STXBP5: variants seen among roughly 807,000 people sequenced by gnomAD.
The protein encoded by STXBP5 is syntaxin-binding protein 5.
STXBP5 carries 50 observed loss-of-function variants against 152.4 expected under a neutral mutation model. The observed-to-expected ratio is 0.33, with a 90% confidence interval of 0.26 to 0.42. The LOEUF is 0.42. Ranked by LOEUF, STXBP5 falls within the 10% of genes least tolerant of loss-of-function variation. The probability of loss-of-function intolerance (pLI) is 1.00; values close to 1 mark genes in which losing one functional copy is unlikely to be tolerated. For missense variants in STXBP5, 1,167 were observed against 1,388.6 expected, an observed-to-expected ratio of 0.84 and a Z score of 2.54; for synonymous variants, 492 against 494.7, an observed-to-expected ratio of 0.99 and a Z score of 0.07.
intron 2 of STXBP5, among the ~76,000 whole-genome samples, chr6:147,210,611 C>G (rs1450860450): frequency 2.6e-5 from 4 of 152,172 alleles, no homozygotes; most frequent in Non-Finnish European, 5.9e-5. Context: ...GTTGCCTCCC[C>G]TGTCAGTGTG....
At chr6:147,310,966 C>T (rs113305377) in intron 10 of STXBP5, among the ~76,000 whole-genome samples, 4 of 151,924 alleles carry the variant, frequency 2.6e-5, no homozygotes, top group African/African-American at 9.7e-5. Flanking sequence ...TACAATTAAC[C>T]ATCAGAGCTA....
chr6:147,283,236 G>A (rs1780783660), intron 8 of STXBP5, among the ~76,000 whole-genome samples: 1 of 152,196 alleles, frequency 6.6e-6, no homozygotes, highest in African/African-American at 2.4e-5. Flanking sequence ...AGGTCACTGA[G>A]GGAAAAATAA....
intron 25 of STXBP5, among the ~76,000 whole-genome samples, chr6:147,373,363 CAAAAA>C (rs11341887): frequency 1.5e-5 from 1 of 67,718 alleles, no homozygotes. Flanking sequence ...GAGACTGTCT[CAAAAA>C]AAAAAAAAAA....
At chr6:147,247,584 G>A (rs548520139) in intron 4 of STXBP5, among the ~76,000 whole-genome samples, 94 of 152,138 alleles carry the variant, frequency 6.2e-4, no homozygotes, top group Non-Finnish European at 1.0e-3. Flanking sequence ...GGATGTTCAG[G>A]CAGTATTGGA....
intron 21 of STXBP5, 53 bp downstream of exon 21, chr6:147,339,437 A>T (rs1386688292): frequency 7.6e-7 from 1 of 1,319,202 alleles, no homozygotes; most frequent in Non-Finnish European, 1.0e-6. Flanking sequence ...ATGCAGTGCT[A>T]ACCCAACACC....
chr6:147,220,969 T>C (rs765420511), intron 2 of STXBP5, among the ~76,000 whole-genome samples: 1 of 152,272 alleles, frequency 6.6e-6, no homozygotes, highest in East Asian at 1.9e-4. Context: ...TTTTTATGCC[T>C]CTTGTGGTTT....
chr6:147,358,459 A>C (rs767377849), intron 22 of STXBP5, among the ~76,000 whole-genome samples: 1 of 152,116 alleles, frequency 6.6e-6, no homozygotes, highest in Non-Finnish European at 1.5e-5. Context: ...AGGAGTGTGG[A>C]GTTGTTTGTT....
rs1005905461 is a variant in STXBP5 at position 147,311,480 on chromosome 6, T to G, written c.1098T>G (p.Val366=). The change falls in exon 11 of 28, where the codon GTT becomes GTG. Residue 366 remains valine (V), a synonymous_variant. Transcript: ENST00000321680. ...ATTTTCAAGAACCATATGCTGTGGT[T>G]GTTCTTCTAGAAAAGGATTTAGTAC... ...PNDFQEPYAV[V]VLLEKDLVLI... 1.1e-5 allele frequency: 17 copies of G among 1,612,156 alleles called. No individual in the cohort carries two copies. The highest frequency in any genetic ancestry group is 6.7e-5 in the East Asian group (3 of 44,748).
intron 9 of STXBP5, among the ~76,000 whole-genome samples, 192 bp downstream of exon 9, chr6:147,291,364 T>G (rs1781267998): frequency 6.6e-6 from 1 of 152,172 alleles, no homozygotes. Flanking sequence ...TGTTCTTGTC[T>G]TTAGTAGTTT....
rs112977511 is a variant in STXBP5 at position 147,260,743 on chromosome 6, T to C, written c.560T>C (p.Ile187Thr). The stretch of plus-strand genomic sequence containing the variant: ...TACGTCATTATGTGGAATAAAGCCA[T>C]TGAACTGTGAGTTTGAACAAATATT... ...SGYVIMWNKAIELSSKSHPGP... is the reference protein window; with the variant it reads ...SGYVIMWNKATELSSKSHPGP... The change falls in exon 5 of 28, where the codon ATT (isoleucine) becomes ACT (threonine). Residue 187 changes from isoleucine (I) to threonine (T), a missense_variant. Ile to Thr is a moderately conservative substitution (Grantham distance 89, BLOSUM62 -1). Transcript: ENST00000321680. The C allele has an allele frequency of 6.2e-7, 1 of 1,612,796 alleles. No homozygotes were observed. The highest frequency in any genetic ancestry group is 8.5e-7 in the Non-Finnish European group (1 of 1,179,416).
At chr6:147,216,887 C>T (rs994038871) in intron 2 of STXBP5, among the ~76,000 whole-genome samples, 3 of 152,122 alleles carry the variant, frequency 2.0e-5, no homozygotes, top group South Asian at 2.1e-4. Context: ...AGATATATGA[C>T]GAGTCCTAGA....
In STXBP5 at chr6:147,363,528, G is replaced by A. The variant is rs536689562; in HGVS notation, c.2739G>A (p.Gln913=). The A allele has an allele frequency of 3.7e-6, 6 of 1,614,132 alleles. No individual in the cohort carries two copies. The South Asian group carries it at 5.5e-5, about 15-fold the overall frequency. The change falls in exon 24 of 28, where the codon CAG becomes CAA. Residue 913 remains glutamine (Q), a synonymous_variant. Coordinates refer to ENST00000321680, the MANE Select transcript of STXBP5 (RefSeq NM_001127715.4). The part of the protein sequence containing the change: ...PSSSQEISEN[Q]YAVICSEKQA... Reference sequence around the variant, plus strand: ...CTTCTCAGGAAATTAGTGAAAACCAGTATGCAGTGATATGTTCTGAAAAGC... The same window carrying A: ...CTTCTCAGGAAATTAGTGAAAACCAATATGCAGTGATATGTTCTGAAAAGC...
At chr6:147,327,011 C>T in intron 17 of STXBP5, 114 bp from the exon 18 acceptor site, 2 of 937,342 alleles carry the variant, frequency 2.1e-6, no homozygotes, top group Non-Finnish European at 3.1e-6. Flanking sequence ...TCTTTTGTTT[C>T]AAAGAATTTT....
At chr6:147,275,787 G>A (rs1780416550) in intron 7 of STXBP5, among the ~76,000 whole-genome samples, 1 of 151,726 alleles carries the variant, frequency 6.6e-6, no homozygotes, top group Non-Finnish European at 1.5e-5. Context: ...TTGATCTCCT[G>A]ACCTCATGAT....
chr6:147,207,229 TATAG>T (rs201394612), intron 2 of STXBP5, among the ~76,000 whole-genome samples: 106 of 152,252 alleles, frequency 7.0e-4, no homozygotes, highest in Admixed American at 3.1e-3. Context: ...TATATATATG[TATAG>T]ATAGATAGAT....
At chr6:147,348,187 C>A (rs1483798052) in intron 21 of STXBP5, among the ~76,000 whole-genome samples, 1 of 152,162 alleles carries the variant, frequency 6.6e-6, no homozygotes, top group Non-Finnish European at 1.5e-5. Context: ...TAAGTGATCA[C>A]AACCCAAGTC....
intron 21 of STXBP5, among the ~76,000 whole-genome samples, chr6:147,342,177 A>G (rs1305809606): frequency 6.6e-6 from 1 of 152,184 alleles, no homozygotes; most frequent in African/African-American, 2.4e-5. Context: ...ATCTGGAAAA[A>G]AAAGATTAAG....
At chr6:147,332,628 A>G (rs1783631948) in intron 18 of STXBP5, among the ~76,000 whole-genome samples, 4 of 152,204 alleles carry the variant, frequency 2.6e-5, no homozygotes, top group Admixed American at 2.6e-4. Flanking sequence ...CAGTGAAAGC[A>G]GCAGATAGTC....
intron 5 of STXBP5, among the ~76,000 whole-genome samples, chr6:147,261,182 G>T: frequency 6.6e-6 from 1 of 151,922 alleles, no homozygotes. Context: ...CAAATATAAT[G>T]TTTGCTAAAG....
Sources: allele counts gnomAD v4.1 joint callset (sites outside exome capture counted in the v4.1 genomes callset), GRCh38; gene constraint gnomAD v4.1.1; transcripts MANE v1.5; gene names NCBI Gene and HGNC (gene_info 2026-07-23, HGNC 2026-07-21).